Variants in XKR9 observed in about 807,000 individuals in gnomAD.
XKR9 encodes the protein XK related 9, also known as XK-related protein 9.
A neutral mutation model predicts 32.0 loss-of-function variants in XKR9; 32 were observed. That is an observed-to-expected ratio of 1.00 (90% CI 0.76 to 1.34). The LOEUF (loss-of-function observed/expected upper bound fraction) is 1.34. XKR9 is among the 40% of genes most tolerant of loss of function. The pLI, the probability that XKR9 is intolerant of heterozygous loss-of-function variation, is 0.00. For synonymous variants in XKR9, 168 were observed against 143.4 expected (o/e 1.17, Z -1.22); for missense variants, 546 against 429.7 (o/e 1.27, Z -2.39).
the XKR9 span, among the ~76,000 whole-genome samples, chr8:70,865,633 T>G: frequency 6.6e-6 from 1 of 152,174 alleles, no homozygotes; most frequent in Non-Finnish European, 1.5e-5. Flanking sequence ...TAGAATCAGT[T>G]CAGAGTGATG....
chr8:71,044,420 G>A, the XKR9 span, among the ~76,000 whole-genome samples: 5 of 152,160 alleles, frequency 3.3e-5, no homozygotes, highest in East Asian at 3.9e-4. Flanking sequence ...TGCTGGGAAA[G>A]ATTAAAGACA....
the XKR9 span, among the ~76,000 whole-genome samples, chr8:70,819,126 G>C: frequency 2.0e-5 from 3 of 152,172 alleles, no homozygotes; most frequent in Non-Finnish European, 4.4e-5. Context: ...CAGCAGCTTG[G>C]ATCTGTTCTT....
the XKR9 span, among the ~76,000 whole-genome samples, chr8:71,027,782 G>GT: frequency 1.0e-4 from 5 of 48,366 alleles, no homozygotes; most frequent in East Asian, 4.6e-4. Flanking sequence ...TTTTTGGCGG[G>GT]GGGGGGGGGT....
the XKR9 span, among the ~76,000 whole-genome samples, chr8:70,960,864 C>A: frequency 4.1e-5 from 6 of 144,842 alleles, no homozygotes; most frequent in East Asian, 1.2e-3. Context: ...AAAGTGAGAC[C>A]CTGTCTTAAG....
At chr8:70,878,357 T>A in the XKR9 span, among the ~76,000 whole-genome samples, 3 of 152,126 alleles carry the variant, frequency 2.0e-5, no homozygotes, top group African/African-American at 7.2e-5. Flanking sequence ...AGACTCAGAC[T>A]GCCAAATTGG....
chr8:70,954,987 G>C, the XKR9 span, among the ~76,000 whole-genome samples: 3 of 152,122 alleles, frequency 2.0e-5, no homozygotes, highest in Non-Finnish European at 2.9e-5. Flanking sequence ...TCACTTCTGG[G>C]AACTCTTCTC....
chr8:70,942,418 TCTTA>T, the XKR9 span, among the ~76,000 whole-genome samples: 1 of 152,148 alleles, frequency 6.6e-6, no homozygotes, highest in African/African-American at 2.4e-5. Flanking sequence ...GACATTAATC[TCTTA>T]CTTACCTGCC....
chr8:70,917,739 T>A, the XKR9 span, among the ~76,000 whole-genome samples: 1 of 152,240 alleles, frequency 6.6e-6, no homozygotes, highest in Non-Finnish European at 1.5e-5. Context: ...CATGTGAGTT[T>A]TAAGCCAGAT....
At chr8:70,830,843 A>AAT in the XKR9 span, among the ~76,000 whole-genome samples, 811 of 152,302 alleles carry the variant, frequency 5.3e-3, 3 homozygotes, top group Non-Finnish European at 9.2e-3. Context: ...AATCTCAGAA[A>AAT]AAGTAGGGCT....
chr8:70,752,919 A>T (rs991088517), intron 2 of XKR9, among the ~76,000 whole-genome samples: 1 of 152,214 alleles, frequency 6.6e-6, no homozygotes, highest in Non-Finnish European at 1.5e-5. Context: ...CCAAAATCAG[A>T]CCAGAACTGA....
intron 2 of XKR9, among the ~76,000 whole-genome samples, chr8:70,751,747 C>T (rs548470529): frequency 1.1e-4 from 16 of 152,230 alleles, no homozygotes; most frequent in African/African-American, 3.9e-4. Context: ...ACAAAACCTC[C>T]ACACCTGCTC....
At chr8:70,713,743 A>G (rs1016428048) in intron 4 of XKR9, among the ~76,000 whole-genome samples, 2 of 152,174 alleles carry the variant, frequency 1.3e-5, no homozygotes, top group Non-Finnish European at 2.9e-5. Context: ...TAAAACCTAT[A>G]TAGTATAGGA....
the XKR9 span, among the ~76,000 whole-genome samples, chr8:70,933,466 C>A: frequency 5.3e-5 from 8 of 150,216 alleles, no homozygotes; most frequent in East Asian, 2.0e-4. Flanking sequence ...CCTGGCATAA[C>A]GTACATAGAA....
At chr8:70,996,735 G>A in the XKR9 span, among the ~76,000 whole-genome samples, 1 of 152,142 alleles carries the variant, frequency 6.6e-6, no homozygotes, top group Non-Finnish European at 1.5e-5. Context: ...GTAGACAAAA[G>A]GAGGTCACTG....
At chr8:71,053,386 A>G in the XKR9 span, among the ~76,000 whole-genome samples, 1 of 152,238 alleles carries the variant, frequency 6.6e-6, no homozygotes, top group African/African-American at 2.4e-5. Flanking sequence ...TCCTTCTGAC[A>G]CTGGGAAGTA....
At chr8:70,902,900 A>G in the XKR9 span, among the ~76,000 whole-genome samples, 1 of 152,106 alleles carries the variant, frequency 6.6e-6, no homozygotes, top group Non-Finnish European at 1.5e-5. Context: ...TGAGATAATC[A>G]TGTGGTTTCT....
chr8:70,910,979 CCTT>C, the XKR9 span, among the ~76,000 whole-genome samples: 1 of 152,214 alleles, frequency 6.6e-6, no homozygotes, highest in Admixed American at 6.5e-5. Flanking sequence ...TGCTTACTGA[CCTT>C]CTCTTCTGTT....
the XKR9 span, among the ~76,000 whole-genome samples, chr8:70,862,728 C>A: frequency 2.6e-5 from 4 of 151,972 alleles, no homozygotes; most frequent in African/African-American, 4.8e-5. Flanking sequence ...TTGCCTCCTC[C>A]ATCCTTCATG....
chr8:70,876,357 G>T, the XKR9 span, among the ~76,000 whole-genome samples: 1 of 151,418 alleles, frequency 6.6e-6, no homozygotes, highest in Non-Finnish European at 1.5e-5. Context: ...GATTACAGGT[G>T]TGCACCACCA....
Sources: allele counts gnomAD v4.1 joint callset (sites outside exome capture counted in the v4.1 genomes callset), GRCh38; gene constraint gnomAD v4.1.1; transcripts MANE v1.5; gene names NCBI Gene and HGNC (gene_info 2026-07-23, HGNC 2026-07-21).